KIAA0040: variants seen among roughly 807,000 people sequenced by gnomAD.
KIAA0040 encodes the protein KIAA0040, also known as uncharacterized protein KIAA0040.
Under a neutral mutation model 7.2 loss-of-function variants are expected in KIAA0040, and 10 were observed. The ratio of observed to expected loss-of-function variants is 1.38; its 90% CI spans 0.85 to 2.34. The LOEUF is 2.34. Among genes scored for constraint, KIAA0040 ranks in the 30% most tolerant of loss-of-function variants. The pLI, the probability that KIAA0040 is intolerant of heterozygous loss-of-function variation, is 0.00. For missense variants in KIAA0040, 89 were observed against 108.2 expected (o/e 0.82, Z 0.79); for synonymous variants, 49 against 40.1 (o/e 1.22, Z -0.84).
At chr1:175,169,466 G>A (rs10912901) in intron 2 of KIAA0040, among the ~76,000 whole-genome samples, 61,654 of 152,058 alleles carry the variant, frequency 0.41, 12,900 homozygotes, top group Non-Finnish European at 0.45. Context: ...TAGAAGTAGA[G>A]TGCCTCAGAG....
intron 3 of KIAA0040, among the ~76,000 whole-genome samples, chr1:175,161,428 G>C (rs946765474): frequency 3.3e-5 from 5 of 152,176 alleles, no homozygotes; most frequent in Non-Finnish European, 4.4e-5. Context: ...TTGGATAAAT[G>C]AATCAATGTG....
intron 1 of KIAA0040, among the ~76,000 whole-genome samples, chr1:175,183,584 T>C (rs1253469670): frequency 6.6e-6 from 1 of 152,122 alleles, no homozygotes; most frequent in Admixed American, 6.5e-5. Flanking sequence ...GCTTTCACAA[T>C]TGGGGTTGCA....
intron 1 of KIAA0040, among the ~76,000 whole-genome samples, chr1:175,177,956 C>A (rs999039925): frequency 1.3e-5 from 2 of 152,210 alleles, no homozygotes; most frequent in Admixed American, 1.3e-4. Context: ...TTATTCCCAG[C>A]AGTTGCAGGG....
At chr1:175,168,966 G>A (rs922615018) in intron 2 of KIAA0040, among the ~76,000 whole-genome samples, 3 of 152,164 alleles carry the variant, frequency 2.0e-5, no homozygotes, top group African/African-American at 7.2e-5. Context: ...ATCCAGGGGA[G>A]GACTCCAAGA....
At chr1:175,178,286 G>A (rs547731873) in intron 1 of KIAA0040, among the ~76,000 whole-genome samples, 2 of 152,236 alleles carry the variant, frequency 1.3e-5, no homozygotes, top group Non-Finnish European at 2.9e-5. Context: ...AGGCAGGGGG[G>A]CAGCACCTTC....
chr1:175,183,118 G>A (rs557096515), intron 1 of KIAA0040, among the ~76,000 whole-genome samples: 3 of 152,312 alleles, frequency 2.0e-5, no homozygotes, highest in South Asian at 2.1e-4. Flanking sequence ...TCTGTAGCGC[G>A]GAGATATCAT....
chr1:175,160,788 C>CCTTCTT lies in KIAA0040; in HGVS notation c.220_225dup (p.Lys74_Lys75dup), dbSNP rs150137790. 6,565 of 1,429,548 alleles carry CCTTCTT rather than the reference C, an allele frequency of 4.6e-3. 13 individuals are homozygous for CCTTCTT. The highest frequency in any genetic ancestry group is 0.018 in the African/African-American group (859 of 47,882). The allele number at this position is 1,429,548 out of a possible 1,614,324, so 88.6% of individuals were successfully genotyped here. A position where few individuals can be genotyped will look rare whatever the true frequency, so the allele number is the denominator to read the frequency against. On this transcript the variant is annotated inframe_insertion, in exon 4 of 4. Coordinates refer to ENST00000423313, the MANE Select transcript of KIAA0040 (RefSeq NM_014656.3). ...GCAGAGATCCAGAGGTCTTCTTCAT[C>CCTTCTT]CTTCTTCTTCTTCTTCTTCTTCTTC... is the stretch of plus-strand genomic sequence containing the variant.
At chr1:175,175,319 C>T (rs372456228) in intron 2 of KIAA0040, among the ~76,000 whole-genome samples, 2 of 151,654 alleles carry the variant, frequency 1.3e-5, no homozygotes, top group African/African-American at 4.9e-5. Context: ...ATCAAAACCA[C>T]AATGAGATAC....
intron 2 of KIAA0040, among the ~76,000 whole-genome samples, chr1:175,175,802 C>T (rs1677161684): frequency 6.6e-6 from 1 of 152,030 alleles, no homozygotes; most frequent in Non-Finnish European, 1.5e-5. Flanking sequence ...CTCATGTTCT[C>T]ACTCATAGGT....
At chr1:175,172,090 T>C (rs1346585877) in intron 2 of KIAA0040, among the ~76,000 whole-genome samples, 1 of 152,246 alleles carries the variant, frequency 6.6e-6, no homozygotes, top group African/African-American at 2.4e-5. Context: ...CTCTTTTCCC[T>C]TTCTTCTTTC....
intron 2 of KIAA0040, among the ~76,000 whole-genome samples, chr1:175,169,796 A>C (rs895000011): frequency 6.6e-6 from 1 of 152,112 alleles, no homozygotes; most frequent in Admixed American, 6.5e-5. Context: ...CCCTCTCTGC[A>C]GGGCTCTCCC....
intron 1 of KIAA0040, among the ~76,000 whole-genome samples, chr1:175,184,410 CCTCTTCCCTTGTCTTCTTCTCA>C (rs1677574830): frequency 6.6e-6 from 1 of 152,186 alleles, no homozygotes; most frequent in Non-Finnish European, 1.5e-5. Context: ...CCTTCTTCTC[CCTCTTCCCTTGTCTTCTTCTCA>C]CATACACAGT....
chr1:175,158,966 TC>T lies in KIAA0040; in HGVS notation c.*1747del, dbSNP rs34424852. 2 of 152,328 alleles carry T rather than the reference TC, an allele frequency of 1.3e-5. No individual in the cohort carries two copies. Among genetic ancestry groups the T allele is most frequent in the African/African-American group, 4.8e-5 (2 of 41,560 alleles). The allele number at this position is 152,328 out of a possible 1,614,324, so 9.4% of individuals were successfully genotyped here. On this transcript the variant is annotated 3_prime_UTR_variant, in exon 4 of 4. Transcript: ENST00000423313. ...CAAGTGAGCAAATAGAATATATCTT[TC>T]CTTTAATGCAATCTTATAGAATTTA...
Position 175,167,324 on chromosome 1 carries a change from A to G in KIAA0040, c.-309-587T>C, listed in dbSNP as rs568492887. ...TTCTCTACATTTAAAGAATGAGTTC[A>G]ATTGTTAATACACTGTAAAGTGTCC... On this transcript the variant is annotated intron_variant, in intron 2 of 3. Coordinates refer to ENST00000423313, the MANE Select transcript of KIAA0040 (RefSeq NM_014656.3). Among the ~76,000 whole-genome samples, 324 of 152,280 alleles carry G rather than the reference A, an allele frequency of 2.1e-3. 1 individual carries two copies. Among genetic ancestry groups the G allele is most frequent in the Admixed American group, 5.1e-3 (78 of 15,302 alleles).
intron 1 of KIAA0040, among the ~76,000 whole-genome samples, chr1:175,180,814 C>T (rs186953024): frequency 2.6e-5 from 4 of 152,166 alleles, no homozygotes; most frequent in Admixed American, 6.5e-5. Flanking sequence ...GTTGGAAAGC[C>T]CTGATTGGCT....
intron 1 of KIAA0040, among the ~76,000 whole-genome samples, chr1:175,191,427 A>T (rs1677860285): frequency 6.6e-6 from 1 of 152,202 alleles, no homozygotes; most frequent in Non-Finnish European, 1.5e-5. Flanking sequence ...TGTATCTGGG[A>T]TGGGGACAGA....
upstream of KIAA0040, chr1:175,192,867 TGCCGCCGAGG>T (rs1677932931): frequency 8.6e-6 from 1 of 116,482 alleles, no homozygotes; most frequent in Non-Finnish European, 1.7e-5. Flanking sequence ...TACCTGCCGC[TGCCGCCGAGG>T]GCAGCGCCCT....
chr1:175,180,582 T>C (rs1217210400), intron 1 of KIAA0040, among the ~76,000 whole-genome samples: 2 of 152,236 alleles, frequency 1.3e-5, no homozygotes, highest in South Asian at 2.1e-4. Flanking sequence ...TTGGGCAGTA[T>C]GCTCAAATAC....
chr1:175,161,758 C>T (rs1168701981), intron 3 of KIAA0040, among the ~76,000 whole-genome samples: 3 of 152,170 alleles, frequency 2.0e-5, no homozygotes, highest in Non-Finnish European at 4.4e-5. Context: ...CTCCATGTCT[C>T]CTCCCCTCCT....
Sources: allele counts gnomAD v4.1 joint callset (sites outside exome capture counted in the v4.1 genomes callset), GRCh38; gene constraint gnomAD v4.1.1; transcripts MANE v1.5; gene names NCBI Gene and HGNC (gene_info 2026-07-23, HGNC 2026-07-21).